Variants in TLK1 observed in about 807,000 individuals in gnomAD.
TLK1 encodes the protein serine/threonine-protein kinase tousled-like 1.
Under a neutral mutation model 105.3 loss-of-function variants are expected in TLK1, and 24 were observed. That is an observed-to-expected ratio of 0.23 (90% CI 0.17 to 0.32). The LOEUF (loss-of-function observed/expected upper bound fraction) is 0.32, where lower values mean the gene tolerates loss of function less well. Ranked by LOEUF, TLK1 falls within the 10% of genes least tolerant of loss-of-function variation. The probability of loss-of-function intolerance (pLI) is 1.00; values close to 1 mark genes in which losing one functional copy is unlikely to be tolerated. For missense variants in TLK1, 558 were observed against 910.5 expected (o/e 0.61, Z 4.98); for synonymous variants, 321 against 310.4 (o/e 1.03, Z -0.36).
At position 170,991,383 on chromosome 2, in the gene TLK1, T is replaced by C. The variant is rs927378762; in HGVS notation, c.*2397A>G. The C allele has an allele frequency of 1.1e-4, 17 of 152,214 alleles. No individual in the cohort carries two copies. The highest frequency in any genetic ancestry group is 4.1e-4 in the African/African-American group (17 of 41,454). The allele number at this position is 152,214 out of a possible 1,614,324, so 9.4% of individuals were successfully genotyped here. A position where few individuals can be genotyped will look rare whatever the true frequency, so the allele number is the denominator to read the frequency against. Reference sequence around the variant, plus strand: ...TCCATGTGAGGGTAAAAGTAAGTTATTCAATGTGGCTAAATTAGCCATCTT... The same window carrying C: ...TCCATGTGAGGGTAAAAGTAAGTTACTCAATGTGGCTAAATTAGCCATCTT... On this transcript the variant is annotated 3_prime_UTR_variant, in exon 21 of 21. Coordinates refer to ENST00000431350, the MANE Select transcript of TLK1 (RefSeq NM_012290.5).
chr2:171,169,094 T>C (rs1254109791), intron 1 of TLK1, among the ~76,000 whole-genome samples: 1 of 152,120 alleles, frequency 6.6e-6, no homozygotes, highest in Non-Finnish European at 1.5e-5. Context: ...AAAAAAAAAT[T>C]TGTTTTTTGA....
intron 1 of TLK1, among the ~76,000 whole-genome samples, chr2:171,220,311 A>G (rs1693785882): frequency 6.6e-6 from 1 of 152,216 alleles, no homozygotes; most frequent in African/African-American, 2.4e-5. Flanking sequence ...CCAGCCTTCA[A>G]GATGAGCCCT....
At chr2:171,097,180 T>C (rs1296729561) in intron 2 of TLK1, among the ~76,000 whole-genome samples, 1 of 152,140 alleles carries the variant, frequency 6.6e-6, no homozygotes, top group East Asian at 1.9e-4. Flanking sequence ...TCCACACATG[T>C]AGGGTGAATT....
chr2:171,146,378 G>C (rs921570733), intron 1 of TLK1, among the ~76,000 whole-genome samples: 13 of 152,090 alleles, frequency 8.5e-5, no homozygotes, highest in Non-Finnish European at 2.9e-5. Context: ...ACACACAAGA[G>C]GTGCCTCTCT....
chr2:171,089,142 G>C (rs1474570923), intron 2 of TLK1, among the ~76,000 whole-genome samples: 1 of 152,218 alleles, frequency 6.6e-6, no homozygotes, highest in African/African-American at 2.4e-5. Flanking sequence ...ACAGGAGTGA[G>C]ACACCACATT....
chr2:170,999,287 T>C (rs571804960), intron 18 of TLK1, among the ~76,000 whole-genome samples: 29 of 152,378 alleles, frequency 1.9e-4, no homozygotes, highest in Admixed American at 1.4e-3. Flanking sequence ...CAGCAAGATG[T>C]TGACAGATCT....
intron 12 of TLK1, among the ~76,000 whole-genome samples, chr2:171,020,504 C>A (rs558209080): frequency 2.7e-4 from 40 of 149,612 alleles, no homozygotes; most frequent in Admixed American, 1.9e-3. Flanking sequence ...TGCACCACTG[C>A]ACTCCAGCCT....
chr2:171,173,191 G>A (rs1692760435), intron 1 of TLK1, among the ~76,000 whole-genome samples: 1 of 152,156 alleles, frequency 6.6e-6, no homozygotes, highest in South Asian at 2.1e-4. Flanking sequence ...GGTGAAAAAG[G>A]AAACAGAAAC....
chr2:170,998,160 T>C (rs3770435), intron 18 of TLK1, among the ~76,000 whole-genome samples: 49,612 of 151,808 alleles, frequency 0.33, 8,529 homozygotes, highest in African/African-American at 0.36. Context: ...AATGGTCTTA[T>C]TTGCAGTATC....
chr2:171,116,138 G>C (rs551433291), intron 2 of TLK1, among the ~76,000 whole-genome samples: 2 of 152,254 alleles, frequency 1.3e-5, no homozygotes, highest in Non-Finnish European at 2.9e-5. Context: ...CAAAAAACTG[G>C]TGAGACTGAT....
intron 1 of TLK1, among the ~76,000 whole-genome samples, chr2:171,218,267 AC>A (rs1208001535): frequency 4.0e-5 from 6 of 151,508 alleles, no homozygotes; most frequent in African/African-American, 1.5e-4. Flanking sequence ...AAACAAACAA[AC>A]AACAACAACA....
At chr2:171,045,460 C>T (rs1438072500) in intron 11 of TLK1, 1 of 148,436 alleles carries the variant, frequency 6.7e-6, no homozygotes, top group Admixed American at 6.8e-5. Context: ...CGTGATCCAC[C>T]CACTTTGGCC....
chr2:171,012,170 A>C (rs1684949911), intron 13 of TLK1, among the ~76,000 whole-genome samples: 1 of 152,054 alleles, frequency 6.6e-6, no homozygotes, highest in Admixed American at 6.5e-5. Flanking sequence ...AAGACCTTTG[A>C]ATGTCATGTC....
chr2:171,066,866 CAAG>C (rs753189377), intron 3 of TLK1: 362 of 1,552,140 alleles, frequency 2.3e-4, no homozygotes, highest in Admixed American at 1.2e-3. Flanking sequence ...TCAAATCATA[CAAG>C]AATAAAACAG....
intron 2 of TLK1, among the ~76,000 whole-genome samples, chr2:171,083,237 T>TCA (rs1376868564): frequency 6.6e-6 from 1 of 152,178 alleles, no homozygotes; most frequent in African/African-American, 2.4e-5. Flanking sequence ...TCAGGTCCCT[T>TCA]CACAATTATC....
intron 1 of TLK1, among the ~76,000 whole-genome samples, chr2:171,135,133 T>C (rs1433159988): frequency 1.3e-5 from 2 of 151,890 alleles, no homozygotes; most frequent in African/African-American, 4.8e-5. Flanking sequence ...ACAGAAAAAA[T>C]AAGTTTTTGA....
intron 1 of TLK1, among the ~76,000 whole-genome samples, chr2:171,142,858 C>T (rs1429508081): frequency 6.6e-6 from 1 of 152,190 alleles, no homozygotes; most frequent in Admixed American, 6.5e-5. Context: ...TAAAGCAAGT[C>T]TCAAATTTCC....
chr2:171,216,513 T>G (rs1433868449), intron 1 of TLK1, among the ~76,000 whole-genome samples: 2 of 151,924 alleles, frequency 1.3e-5, no homozygotes, highest in African/African-American at 2.4e-5. Flanking sequence ...GAATAACAAC[T>G]TACGAGATTA....
At chr2:171,041,931 T>G (rs966589152) in intron 11 of TLK1, among the ~76,000 whole-genome samples, 2 of 152,140 alleles carry the variant, frequency 1.3e-5, no homozygotes, top group Admixed American at 1.3e-4. Context: ...GATGTGACAT[T>G]TTGTGTTAAA....
Sources: allele counts gnomAD v4.1 joint callset (sites outside exome capture counted in the v4.1 genomes callset), GRCh38; gene constraint gnomAD v4.1.1; transcripts MANE v1.5; gene names NCBI Gene and HGNC (gene_info 2026-07-23, HGNC 2026-07-21).